The following IGF2R variants were observed in gnomAD, a reference collection of about 807,000 sequenced individuals.
IGF2R encodes insulin like growth factor 2 receptor.
IGF2R carries 91 observed loss-of-function variants against 270.6 expected under a neutral mutation model. That is an observed-to-expected ratio of 0.34 (90% confidence interval 0.28 to 0.40). The LOEUF is 0.40. Ranked by LOEUF, IGF2R falls within the 10% of genes least tolerant of loss-of-function variation. IGF2R has a pLI of 1.00. For missense variants in IGF2R, 2,805 were observed against 3,188.3 expected (o/e 0.88, Z 2.90); for synonymous variants, 1,316 against 1,258.9 (o/e 1.05, Z -0.96).
At chr6:160,061,432 G>T (rs1778435809) in intron 23 of IGF2R, 71 bp from the exon 24 acceptor site, 1 of 1,424,822 alleles carries the variant, frequency 7.0e-7, no homozygotes, top group East Asian at 2.3e-5. Flanking sequence ...GGCTTATTTA[G>T]GGTGAAAGGC....
At chr6:160,028,977 T>C (rs1777629619) in intron 6 of IGF2R, among the ~76,000 whole-genome samples, 1 of 152,128 alleles carries the variant, frequency 6.6e-6, no homozygotes, top group Non-Finnish European at 1.5e-5. Context: ...CAAACAGGTT[T>C]TGTTTTTGTT....
intron 28 of IGF2R, 89 bp from the exon 29 acceptor site, chr6:160,064,715 A>G (rs1778523908): frequency 1.8e-6 from 2 of 1,129,110 alleles, no homozygotes; most frequent in East Asian, 2.4e-5. Context: ...GAACGTAACC[A>G]TTCTTTACTA....
At chr6:160,005,324 C>G (rs868838230) in intron 2 of IGF2R, 36 of 152,466 alleles carry the variant, frequency 2.4e-4, no homozygotes, top group African/African-American at 8.0e-4. Context: ...ATGTTGGGGA[C>G]AGGTCTTGGG....
At chr6:159,982,678 C>A (rs1308921427) in intron 1 of IGF2R, among the ~76,000 whole-genome samples, 1 of 152,174 alleles carries the variant, frequency 6.6e-6, no homozygotes, top group Non-Finnish European at 1.5e-5. Flanking sequence ...TTAATAGTTA[C>A]ATGACCATTA....
intron 45 of IGF2R, among the ~76,000 whole-genome samples, chr6:160,099,186 T>A (rs1583306915): frequency 6.6e-6 from 1 of 152,234 alleles, no homozygotes; most frequent in Admixed American, 6.5e-5. Context: ...GTAAAAGCTT[T>A]AGGGGAGGCT....
intron 22 of IGF2R, among the ~76,000 whole-genome samples, chr6:160,059,480 A>C (rs1026851744): frequency 6.6e-6 from 1 of 152,222 alleles, no homozygotes; most frequent in African/African-American, 2.4e-5. Flanking sequence ...AGGAAACAGC[A>C]TAGTATATAT....
intron 2 of IGF2R, chr6:160,006,175 T>C (rs1292344031): frequency 7.4e-6 from 1 of 135,470 alleles, no homozygotes; most frequent in East Asian, 2.5e-4. Context: ...GTACCCTGCA[T>C]GCCCTGTGCG....
In IGF2R at chr6:160,047,777, T is replaced by C; in HGVS notation, c.2230-15T>C. On this transcript the variant is annotated splice_polypyrimidine_tract_variant and intron_variant, in intron 16 of 47. Transcript: ENST00000356956. Reference sequence around the variant, plus strand: ...TCTCTTTTTGCCATCCCTCCGCGCATCTGCCGTGGATTAGGAAGAGGATAA... The same window carrying C: ...TCTCTTTTTGCCATCCCTCCGCGCACCTGCCGTGGATTAGGAAGAGGATAA... 6.5e-7 allele frequency: 1 copy of C among 1,527,126 alleles called. No homozygotes were observed. The highest frequency in any genetic ancestry group is 9.1e-7 in the Non-Finnish European group (1 of 1,100,496). 94.6% of individuals were successfully genotyped at this position (1,527,126 alleles called of 1,614,324 possible).
At chr6:160,015,089 A>G (rs1777254646) in intron 4 of IGF2R, among the ~76,000 whole-genome samples, 1 of 152,198 alleles carries the variant, frequency 6.6e-6, no homozygotes, top group Non-Finnish European at 1.5e-5. Context: ...AGGACTGGGG[A>G]AAAAGGTTAG....
Position 160,107,346 on chromosome 6 carries a change from C to T in IGF2R, c.*2262C>T, listed in dbSNP as rs1183796460. 1 of 152,236 alleles carries T rather than the reference C, an allele frequency of 6.6e-6. No individual in the cohort carries two copies. The highest frequency in any genetic ancestry group is 1.5e-5 in the Non-Finnish European group (1 of 68,042). 9.4% of individuals were successfully genotyped at this position (152,236 alleles called of 1,614,324 possible). On this transcript the variant is annotated 3_prime_UTR_variant, in exon 48 of 48. Coordinates refer to ENST00000356956, the MANE Select transcript of IGF2R (RefSeq NM_000876.4). Reference sequence around the variant, plus strand: ...GCTGGATGGCAAAAAGGCATGTTGTCTGCACCACTGGCTGCCTGCTAATGT... The same window carrying T: ...GCTGGATGGCAAAAAGGCATGTTGTTTGCACCACTGGCTGCCTGCTAATGT...
intron 37 of IGF2R, among the ~76,000 whole-genome samples, chr6:160,078,984 G>A (rs1778915249): frequency 6.6e-6 from 1 of 152,176 alleles, no homozygotes; most frequent in South Asian, 2.1e-4. Context: ...ATGTTACCAT[G>A]CCAGTGCCTG....
chr6:160,005,114 T>C (rs1344089886), intron 2 of IGF2R: 3 of 152,342 alleles, frequency 2.0e-5, no homozygotes, highest in African/African-American at 7.2e-5. Flanking sequence ...TTGGTTCATC[T>C]GTGCAGGCTC....
In IGF2R at chr6:160,000,876, C is replaced by T. The variant is rs1026768365; in HGVS notation, c.290-8134C>T. Among the ~76,000 whole-genome samples the T allele has an allele frequency of 4.0e-4, 60 of 151,758 alleles. No homozygotes were observed. In the Middle Eastern group the frequency reaches 0.017, roughly 43 times the overall value. On this transcript the variant is annotated intron_variant, in intron 2 of 47. Transcript: ENST00000356956. ...TCAGCCTCCTGAGTAGCTTGGATTA[C>T]GGGCACCACCATGTCCGGCTAATTT...
Position 159,979,108 on chromosome 6 carries a change from C to T in IGF2R, c.149+9713C>T, listed in dbSNP as rs140576039. On this transcript the variant is annotated intron_variant, in intron 1 of 47. Transcript: ENST00000356956. The stretch of plus-strand genomic sequence containing the variant: ...AGGGTCTTGCTGTTAGGGCTGCCAC[C>T]TTCTTCATGCCTGCTGTGTGCTGGG... 7.6e-3 allele frequency among the ~76,000 whole-genome samples: 1,152 copies of T among 152,308 alleles called. 13 individuals carry two copies. The highest frequency in any genetic ancestry group is 0.025 in the African/African-American group (1,031 of 41,556).
At chr6:159,991,668 C>G (rs779848939) in intron 2 of IGF2R, among the ~76,000 whole-genome samples, 18 of 152,184 alleles carry the variant, frequency 1.2e-4, no homozygotes, top group Non-Finnish European at 2.4e-4. Context: ...CTCCCCCAGC[C>G]CACATTTCCT....
intron 36 of IGF2R, 47 bp from the exon 37 acceptor site, chr6:160,078,154 T>A (rs1294779770): frequency 6.2e-7 from 1 of 1,600,180 alleles, no homozygotes; most frequent in Non-Finnish European, 8.5e-7. Flanking sequence ...CTGCTATCTA[T>A]CCCTATGCCA....
chr6:160,011,766 T>G (rs1191949124), intron 4 of IGF2R, among the ~76,000 whole-genome samples: 2 of 152,192 alleles, frequency 1.3e-5, no homozygotes, highest in Non-Finnish European at 2.9e-5. Context: ...AAGAGCAGAC[T>G]GTGTTCCTTC....
At chr6:160,000,647 T>C (rs545853896) in intron 2 of IGF2R, among the ~76,000 whole-genome samples, 4 of 151,426 alleles carry the variant, frequency 2.6e-5, no homozygotes, top group African/African-American at 9.7e-5. Context: ...AGCCTGGAAA[T>C]GGGCACATTT....
chr6:160,100,925 G>A (rs1779472555), intron 45 of IGF2R, among the ~76,000 whole-genome samples: 1 of 150,650 alleles, frequency 6.6e-6, no homozygotes, highest in South Asian at 2.1e-4. Context: ...TGAGTAGCTG[G>A]GATTATGGGC....
Sources: gnomAD v4.1 joint callset for allele counts (sites outside exome capture counted in the v4.1 genomes callset) on GRCh38, gnomAD v4.1.1 for gene constraint, MANE v1.5 for transcripts, NCBI Gene and HGNC (gene_info 2026-07-23, HGNC 2026-07-21) for gene names.